The following ZDHHC21 variants were observed in gnomAD, a reference collection of about 807,000 sequenced individuals.
ZDHHC21 encodes the protein palmitoyltransferase ZDHHC21.
A neutral mutation model predicts 34.6 loss-of-function variants in ZDHHC21; 15 were observed. That is an observed-to-expected ratio of 0.43 (90% CI 0.29 to 0.67). The LOEUF (loss-of-function observed/expected upper bound fraction) is 0.67. Among genes scored for constraint, ZDHHC21 ranks in the 30% least tolerant of loss-of-function variants. The pLI, the probability that ZDHHC21 is intolerant of heterozygous loss-of-function variation, is 0.14. For missense variants in ZDHHC21, 344 were observed against 327.7 expected (o/e 1.05, Z -0.38); for synonymous variants, 142 against 101.8 (o/e 1.40, Z -2.38).
intron 8 of ZDHHC21, among the ~76,000 whole-genome samples, chr9:14,635,478 CAG>C (rs752428010): frequency 6.6e-6 from 1 of 152,236 alleles, no homozygotes; most frequent in Non-Finnish European, 1.5e-5. Flanking sequence ...ATCAGACTAA[CAG>C]TGTATTTCTC....
chr9:14,654,211 T>C (rs1002997869), intron 7 of ZDHHC21, among the ~76,000 whole-genome samples: 2 of 152,020 alleles, frequency 1.3e-5, no homozygotes, highest in African/African-American at 2.4e-5. Context: ...TAAAGGCAAA[T>C]TGAAACTAGT....
At chr9:14,666,029 C>A (rs981561929) in intron 5 of ZDHHC21, among the ~76,000 whole-genome samples, 19 of 149,624 alleles carry the variant, frequency 1.3e-4, no homozygotes, top group Non-Finnish European at 2.7e-4. Context: ...GGACTAAATT[C>A]TCCAATTAAA....
At position 14,614,180 on chromosome 9, in the gene ZDHHC21, T is replaced by C. The variant is rs1445315613; in HGVS notation, c.*4786A>G. 1 of 151,736 alleles carries C rather than the reference T, an allele frequency of 6.6e-6. No individual in the cohort carries two copies. The highest frequency in any genetic ancestry group is 1.5e-5 in the Non-Finnish European group (1 of 67,738). 9.4% of individuals were successfully genotyped at this position (151,736 alleles called of 1,614,324 possible). On this transcript the variant is annotated 3_prime_UTR_variant, in exon 10 of 10. Coordinates refer to ENST00000380916, the MANE Select transcript of ZDHHC21 (RefSeq NM_178566.6). ...CATGCACCATCTAGCCTTCTCTCCATCTTAGTAAGTTTGTGGATACTCACT... is the reference window on the plus strand; with the variant it reads ...CATGCACCATCTAGCCTTCTCTCCACCTTAGTAAGTTTGTGGATACTCACT...
intron 2 of ZDHHC21, among the ~76,000 whole-genome samples, chr9:14,687,829 C>T (rs935672215): frequency 1.3e-5 from 2 of 150,856 alleles, no homozygotes; most frequent in Admixed American, 6.6e-5. Flanking sequence ...AATTTACAAG[C>T]TAAGTTTTCA....
chr9:14,667,337 C>T (rs1190015896), intron 5 of ZDHHC21, among the ~76,000 whole-genome samples: 2 of 150,626 alleles, frequency 1.3e-5, no homozygotes, highest in Non-Finnish European at 3.0e-5. Context: ...ATAACAGGAG[C>T]TGAAATTGTG....
downstream of ZDHHC21, among the ~76,000 whole-genome samples, chr9:14,606,365 C>T (rs920541592): frequency 1.3e-5 from 2 of 152,204 alleles, no homozygotes; most frequent in African/African-American, 2.4e-5. Context: ...ACCCAGCCAT[C>T]ATGCTGTAAG....
chr9:14,619,208 G>T, intron 9 of ZDHHC21, 110 bp from the exon 10 acceptor site: 3 of 1,180,446 alleles, frequency 2.5e-6, no homozygotes, highest in South Asian at 1.8e-5. Context: ...GATGAATTGT[G>T]TCCCAGCATC....
chr9:14,614,511 C>T lies in ZDHHC21; in HGVS notation c.*4455G>A, dbSNP rs1823857123. ...TACTGATTAACATATAGAATTACAACACTGGTTCAAAATAGTTCAAGCAAG... is the reference window on the plus strand; with the variant it reads ...TACTGATTAACATATAGAATTACAATACTGGTTCAAAATAGTTCAAGCAAG... On this transcript the variant is annotated 3_prime_UTR_variant, in exon 10 of 10. Coordinates refer to ENST00000380916, the MANE Select transcript of ZDHHC21 (RefSeq NM_178566.6). 6.6e-6 allele frequency: 1 copy of T among 151,674 alleles called. No homozygotes were observed. Among genetic ancestry groups the T allele is most frequent in the Non-Finnish European group, 1.5e-5 (1 of 67,724 alleles). The allele number at this position is 151,674 out of a possible 1,614,324, so 9.4% of individuals were successfully genotyped here.
At chr9:14,679,346 T>C (rs538152659) in intron 3 of ZDHHC21, among the ~76,000 whole-genome samples, 2 of 152,326 alleles carry the variant, frequency 1.3e-5, no homozygotes, top group East Asian at 1.9e-4. Context: ...GGTATTCCGA[T>C]GTTAAACAAA....
chr9:14,674,269 C>A lies in ZDHHC21; in HGVS notation c.72G>T (p.Trp24Cys), dbSNP rs1326181708. 1 of 1,597,854 alleles carries A rather than the reference C, an allele frequency of 6.3e-7. No individual in the cohort carries two copies. The highest frequency in any genetic ancestry group is 8.5e-7 in the Non-Finnish European group (1 of 1,173,780). ...TGGGAATTAAAACAATATTGTATAA[C>A]CAAACAAAGACAATCAAACCCATGC... ...WCCMGLIVFV[W>C]LYNIVLIPKI... Residue 24 changes from tryptophan to cysteine, a missense_variant, in exon 4 of 10, where the codon TGG becomes TGT. By Grantham distance (215) the Trp-to-Cys change is radical. Transcript: ENST00000380916.
At chr9:14,683,745 C>T (rs1837787981) in intron 2 of ZDHHC21, 1 of 151,942 alleles carries the variant, frequency 6.6e-6, no homozygotes, top group Admixed American at 6.6e-5. Context: ...AGAGACGCAA[C>T]AAAAAAAGAG....
chr9:14,602,398 G>C, the ZDHHC21 span, among the ~76,000 whole-genome samples: 7 of 151,904 alleles, frequency 4.6e-5, no homozygotes, highest in African/African-American at 7.3e-5. Flanking sequence ...GATGGCCAAA[G>C]GCACAGAAAA....
chr9:14,623,391 T>C (rs966324911), intron 8 of ZDHHC21, among the ~76,000 whole-genome samples: 2 of 151,914 alleles, frequency 1.3e-5, no homozygotes, highest in Admixed American at 6.6e-5. Flanking sequence ...AGGCATGGCA[T>C]GGTGGCATGT....
chr9:14,661,055 T>C (rs1197743420), intron 6 of ZDHHC21, among the ~76,000 whole-genome samples: 1 of 152,162 alleles, frequency 6.6e-6, no homozygotes, highest in East Asian at 1.9e-4. Flanking sequence ...CAAATAATTA[T>C]TTACGTTTAA....
rs1824262794 is a variant in ZDHHC21 at position 14,616,755 on chromosome 9, T to A, written c.*2211A>T. 1 of 151,054 alleles carries A rather than the reference T, an allele frequency of 6.6e-6. No homozygotes were observed. Among genetic ancestry groups the A allele is most frequent in the African/African-American group, 2.5e-5 (1 of 40,636 alleles). The allele number at this position is 151,054 out of a possible 1,614,324, so 9.4% of individuals were successfully genotyped here. A position where few individuals can be genotyped will look rare whatever the true frequency, so the allele number is the denominator to read the frequency against. On this transcript the variant is annotated 3_prime_UTR_variant, in exon 10 of 10. Coordinates refer to ENST00000380916, the MANE Select transcript of ZDHHC21 (RefSeq NM_178566.6). ...ATACATTCTTATGTATATATACTGATAGATAGCATTTCTGCATTCAAATAA... is the reference window on the plus strand; with the variant it reads ...ATACATTCTTATGTATATATACTGAAAGATAGCATTTCTGCATTCAAATAA...
chr9:14,646,345 A>G (rs1380693388), intron 7 of ZDHHC21, among the ~76,000 whole-genome samples: 3 of 152,176 alleles, frequency 2.0e-5, no homozygotes, highest in African/African-American at 4.8e-5. Context: ...ACATTTTACA[A>G]TATAAAAGGT....
chr9:14,643,307 G>C (rs1829726965), intron 7 of ZDHHC21, among the ~76,000 whole-genome samples: 4 of 152,076 alleles, frequency 2.6e-5, no homozygotes, highest in African/African-American at 4.8e-5. Context: ...TCAAGAATTA[G>C]AACATCTGAA....
chr9:14,663,469 TTTC>T (rs1833763160), intron 5 of ZDHHC21, among the ~76,000 whole-genome samples: 1 of 151,040 alleles, frequency 6.6e-6, no homozygotes, highest in Non-Finnish European at 1.5e-5. Context: ...AATATTCAAT[TTTC>T]TTTTTTTTTT....
chr9:14,618,895 A>C lies in ZDHHC21; in HGVS notation c.*71T>G. On this transcript the variant is annotated 3_prime_UTR_variant, in exon 10 of 10. Coordinates refer to ENST00000380916, the MANE Select transcript of ZDHHC21 (RefSeq NM_178566.6). Reference sequence around the variant, plus strand: ...TTTTAATTGACTTGAAGACTGTCATAGTTCTATTATCATAAAACCTGTAAC... The same window carrying C: ...TTTTAATTGACTTGAAGACTGTCATCGTTCTATTATCATAAAACCTGTAAC... The C allele has an allele frequency of 6.9e-7, 1 of 1,447,002 alleles. No individual in the cohort carries two copies. The highest frequency in any genetic ancestry group is 9.2e-7 in the Non-Finnish European group (1 of 1,088,586). The allele number at this position is 1,447,002 out of a possible 1,614,324, so 89.6% of individuals were successfully genotyped here. A position where few individuals can be genotyped will look rare whatever the true frequency, so the allele number is the denominator to read the frequency against.
Sources: gnomAD v4.1 joint callset for allele counts (sites outside exome capture counted in the v4.1 genomes callset) on GRCh38, gnomAD v4.1.1 for gene constraint, MANE v1.5 for transcripts, NCBI Gene and HGNC (gene_info 2026-07-23, HGNC 2026-07-21) for gene names.